The following PPARG variants were observed in gnomAD, a reference collection of about 807,000 sequenced individuals.
PPARG encodes peroxisome proliferator-activated receptor gamma.
In PPARG, 17 loss-of-function variants were observed where a neutral mutation model predicts 39.2. The ratio of observed to expected loss-of-function variants is 0.43; its 90% CI spans 0.30 to 0.65. The LOEUF (loss-of-function observed/expected upper bound fraction) is 0.65. PPARG is among the 30% of genes least tolerant of loss of function. PPARG has a pLI of 0.13. For missense variants in PPARG, 406 were observed against 585.9 expected (o/e 0.69, Z 3.17); for synonymous variants, 223 against 215.7 (o/e 1.03, Z -0.30).
intron 2 of PPARG, among the ~76,000 whole-genome samples, chr3:12,369,907 G>A (rs771977014): frequency 1.4e-4 from 22 of 152,014 alleles, no homozygotes; most frequent in Non-Finnish European, 2.6e-4. Flanking sequence ...CAGACATATC[G>A]GGCATTCTGG....
At position 12,369,312 on chromosome 3, in the gene PPARG, T is replaced by C. The variant is rs77131166; in HGVS notation, c.-8-10392T>C. ...TTTGAGATCAGCCTGGGCAACATGG[T>C]GAAACCTCATCAGTACAGAAAATAC... is the stretch of plus-strand genomic sequence containing the variant. On this transcript the variant is annotated intron_variant, in intron 2 of 7. Coordinates refer to ENST00000651735, the MANE Select transcript of PPARG (RefSeq NM_138711.6). 3.9e-3 allele frequency among the ~76,000 whole-genome samples: 588 copies of C among 152,214 alleles called. 5 individuals carry two copies. The highest frequency in any genetic ancestry group is 0.013 in the African/African-American group (558 of 41,546).
At chr3:12,432,768 T>C (rs540908835) in intron 7 of PPARG, among the ~76,000 whole-genome samples, 2 of 152,308 alleles carry the variant, frequency 1.3e-5, no homozygotes, top group East Asian at 1.9e-4. Context: ...TTTGAACTGA[T>C]AAAAGTTCAG....
intron 2 of PPARG, among the ~76,000 whole-genome samples, chr3:12,335,634 A>G (rs1336329321): frequency 9.9e-5 from 15 of 152,226 alleles, no homozygotes; most frequent in Admixed American, 9.8e-4. Context: ...TTCTTAATGC[A>G]AGAGAGCCTA....
At position 12,405,923 on chromosome 3, in the gene PPARG, CTGT is replaced by C. The variant is rs1399194847; in HGVS notation, c.574_576del (p.Leu192del). The C allele has an allele frequency of 6.2e-7, 1 of 1,614,152 alleles. No individual in the cohort carries two copies. The highest frequency in any genetic ancestry group is 1.7e-5 in the Admixed American group (1 of 60,020). ...GATGCCACAGGCCGAGAAGGAGAAG[CTGT>C]TGGCGGAGATCTCCAGTGATATCGA... On this transcript the variant is annotated inframe_deletion, in exon 6 of 8. Coordinates refer to ENST00000651735, the MANE Select transcript of PPARG (RefSeq NM_138711.6).
Position 12,398,325 on chromosome 3 carries a change from C to T in PPARG, c.529+5573C>T, listed in dbSNP as rs185086819. 6.5e-4 allele frequency among the ~76,000 whole-genome samples: 99 copies of T among 152,204 alleles called. 1 individual carries two copies. The highest frequency in any genetic ancestry group is 4.4e-3 in the Admixed American group (68 of 15,282). ...CAGAGCAGTGACCAATGAATAAAAG[C>T]GCCTGAAGGGAGAGAAGTTGTCAAA... is the stretch of plus-strand genomic sequence containing the variant. On this transcript the variant is annotated intron_variant, in intron 5 of 7. Transcript: ENST00000651735.
intron 3 of PPARG, among the ~76,000 whole-genome samples, chr3:12,380,843 C>T (rs1368717808): frequency 2.6e-5 from 4 of 152,178 alleles, no homozygotes; most frequent in African/African-American, 9.6e-5. Context: ...TCATATTTTT[C>T]ATGCACCTCA....
At chr3:12,427,005 G>T (rs2125309253) in intron 7 of PPARG, among the ~76,000 whole-genome samples, 1 of 152,266 alleles carries the variant, frequency 6.6e-6, no homozygotes, top group East Asian at 1.9e-4. Flanking sequence ...AATCTCTAGG[G>T]ATGGGTCCCA....
At chr3:12,314,074 C>T (rs528334717) in intron 2 of PPARG, among the ~76,000 whole-genome samples, 14 of 152,082 alleles carry the variant, frequency 9.2e-5, no homozygotes, top group African/African-American at 3.4e-4. Context: ...GTCAGGAGTT[C>T]GAGACCAGAC....
chr3:12,303,539 C>T (rs2046983322), intron 1 of PPARG, among the ~76,000 whole-genome samples: 1 of 152,092 alleles, frequency 6.6e-6, no homozygotes, highest in African/African-American at 2.4e-5. Flanking sequence ...AGTGTTCCAC[C>T]CCTTGTGCTA....
intron 2 of PPARG, among the ~76,000 whole-genome samples, chr3:12,376,985 T>C (rs1324541084): frequency 2.6e-5 from 4 of 152,140 alleles, no homozygotes; most frequent in Non-Finnish European, 4.4e-5. Context: ...ACCACAGAGT[T>C]AACATTTAAA....
intron 2 of PPARG, among the ~76,000 whole-genome samples, chr3:12,378,183 G>A (rs754132971): frequency 2.0e-5 from 3 of 152,132 alleles, no homozygotes; most frequent in Non-Finnish European, 4.4e-5. Context: ...ATGTAAATTG[G>A]TATAGTCATT....
At chr3:12,318,802 A>T (rs2047459463) in intron 2 of PPARG, among the ~76,000 whole-genome samples, 1 of 152,178 alleles carries the variant, frequency 6.6e-6, no homozygotes, top group Non-Finnish European at 1.5e-5. Context: ...CAATAATTGG[A>T]AGCTAGTTCC....
At position 12,381,853 on chromosome 3, in the gene PPARG, A is replaced by G. The variant is rs149262304; in HGVS notation, c.390+362A>G. 8.7e-4 allele frequency among the ~76,000 whole-genome samples: 133 copies of G among 152,344 alleles called. 1 individual carries two copies. The highest frequency in any genetic ancestry group is 3.1e-3 in the African/African-American group (130 of 41,578). On this transcript the variant is annotated intron_variant, in intron 4 of 7. Transcript: ENST00000651735. ...TTTTTACAAAAAGGTGACTTCTCCA[A>G]GGTGTCATGGCAAGACAGTGATGAC...
chr3:12,309,525 C>T (rs754133919), intron 1 of PPARG, among the ~76,000 whole-genome samples: 92 of 152,234 alleles, frequency 6.0e-4, no homozygotes, highest in Non-Finnish European at 1.0e-3. Context: ...GTTTTAATAT[C>T]AGTGTTATGA....
At chr3:12,331,829 A>C (rs1020115269) in intron 2 of PPARG, among the ~76,000 whole-genome samples, 3 of 152,208 alleles carry the variant, frequency 2.0e-5, no homozygotes, top group Non-Finnish European at 4.4e-5. Context: ...AGCATTTACT[A>C]AGACAGGGCT....
intron 7 of PPARG, among the ~76,000 whole-genome samples, chr3:12,432,338 T>C (rs2051689491): frequency 6.6e-6 from 1 of 152,048 alleles, no homozygotes; most frequent in African/African-American, 2.4e-5. Flanking sequence ...TATAAGGAAC[T>C]CTATTAATGT....
intron 2 of PPARG, among the ~76,000 whole-genome samples, chr3:12,314,287 A>C (rs1417538467): frequency 1.2e-5 from 1 of 85,206 alleles, no homozygotes; most frequent in African/African-American, 4.0e-5. Flanking sequence ...AAAATTAATT[A>C]ATTAATTAAT....
chr3:12,302,624 G>A (rs1420714283), intron 1 of PPARG, among the ~76,000 whole-genome samples: 1 of 152,182 alleles, frequency 6.6e-6, no homozygotes, highest in Non-Finnish European at 1.5e-5. Flanking sequence ...TAGAGTTAAG[G>A]GAAGGTTTGC....
chr3:12,375,761 C>A (rs2049383529), intron 2 of PPARG, among the ~76,000 whole-genome samples: 1 of 152,104 alleles, frequency 6.6e-6, no homozygotes, highest in Non-Finnish European at 1.5e-5. Flanking sequence ...CCTAGAATGA[C>A]CTTTAACTAT....
Sources: gnomAD v4.1 joint callset for allele counts (sites outside exome capture counted in the v4.1 genomes callset) on GRCh38, gnomAD v4.1.1 for gene constraint, MANE v1.5 for transcripts, NCBI Gene and HGNC (gene_info 2026-07-23, HGNC 2026-07-21) for gene names.